The following CNTNAP2 variants were observed in gnomAD, a reference collection of about 807,000 sequenced individuals.
The protein encoded by CNTNAP2 is contactin associated protein 2.
Under a neutral mutation model 155.2 loss-of-function variants are expected in CNTNAP2, and 98 were observed. The observed-to-expected ratio is 0.63, with a 90% CI of 0.54 to 0.75. The LOEUF (loss-of-function observed/expected upper bound fraction) is 0.75, where lower values mean the gene tolerates loss of function less well. CNTNAP2 is among the 30% of genes least tolerant of loss of function. CNTNAP2 has a pLI of 0.00. For synonymous variants in CNTNAP2, 651 were observed against 631.2 expected, an observed-to-expected ratio of 1.03 and a Z score of -0.47; for missense variants, 1,727 against 1,688.1, an observed-to-expected ratio of 1.02 and a Z score of -0.40.
intron 21 of CNTNAP2, among the ~76,000 whole-genome samples, chr7:148,331,749 A>AATAG (rs1798026270): frequency 1.8e-5 from 2 of 109,964 alleles, no homozygotes; most frequent in Non-Finnish European, 4.2e-5. Flanking sequence ...GGATGGATGG[A>AATAG]ACGGACGGAT....
chr7:146,912,215 CTA>C (rs1367496608), intron 3 of CNTNAP2, among the ~76,000 whole-genome samples: 1 of 149,948 alleles, frequency 6.7e-6, no homozygotes, highest in African/African-American at 2.5e-5. Context: ...TTAAAATAGA[CTA>C]TTAGGATGCA....
chr7:147,369,834 C>T (rs1407747680), intron 9 of CNTNAP2, among the ~76,000 whole-genome samples: 1 of 152,204 alleles, frequency 6.6e-6, no homozygotes, highest in Non-Finnish European at 1.5e-5. Context: ...TTCTGCTCTA[C>T]AATCTCGCCT....
intron 1 of CNTNAP2, among the ~76,000 whole-genome samples, chr7:146,314,692 T>A (rs954411139): frequency 1.3e-5 from 2 of 152,094 alleles, no homozygotes; most frequent in African/African-American, 4.8e-5. Flanking sequence ...AAAGTTGAAG[T>A]ATTTGATGCA....
At chr7:146,896,814 T>C (rs1172454153) in intron 3 of CNTNAP2, among the ~76,000 whole-genome samples, 1 of 152,118 alleles carries the variant, frequency 6.6e-6, no homozygotes, top group Non-Finnish European at 1.5e-5. Context: ...TTTAATAAAA[T>C]TATAACTAGT....
Position 146,262,561 on chromosome 7 carries a change from C to A in CNTNAP2, c.97+145588C>A, listed in dbSNP as rs181783532. ...CAAAATTTCTATTGGTAATAAAAAA[C>A]AAGCAACCAACTACCAAGCAAGAAA... is the stretch of plus-strand genomic sequence containing the variant. On this transcript the variant is annotated intron_variant, in intron 1 of 23. Coordinates refer to ENST00000361727, the MANE Select transcript of CNTNAP2 (RefSeq NM_014141.6). Among the ~76,000 whole-genome samples, 373 of 152,226 alleles carry A rather than the reference C, an allele frequency of 2.5e-3. 2 individuals carry two copies. Among genetic ancestry groups the A allele is most frequent in the African/African-American group, 8.4e-3 (348 of 41,536 alleles).
Position 148,383,841 on chromosome 7 carries a change from C to T in CNTNAP2, c.3668C>T (p.Pro1223Leu), listed in dbSNP as rs745379403. The T allele has an allele frequency of 3.7e-6, 6 of 1,614,088 alleles. No individual in the cohort carries two copies. Among genetic ancestry groups the T allele is most frequent in the Non-Finnish European group, 5.1e-6 (6 of 1,180,028 alleles). ...GGGGCCTCGCCGCTGACCCTCTCCC[C>T]CATGTCGTCCGCCACCGACCCCTGG... Reference protein sequence around the residue: ...NCGASPLTLSPMSSATDPWHL... With the variant: ...NCGASPLTLSLMSSATDPWHL... The change falls in exon 22 of 24, where the codon CCC (proline) becomes CTC (leucine). Residue 1223 changes from proline (P) to leucine (L), a missense_variant. Pro to Leu is a moderately conservative substitution (Grantham distance 98). Coordinates refer to ENST00000361727, the MANE Select transcript of CNTNAP2 (RefSeq NM_014141.6).
At chr7:147,140,310 G>A (rs1330595671) in intron 8 of CNTNAP2, among the ~76,000 whole-genome samples, 2 of 151,892 alleles carry the variant, frequency 1.3e-5, no homozygotes, top group East Asian at 3.9e-4. Flanking sequence ...CCGAGATCTT[G>A]CTACCCCTAG....
At chr7:146,253,277 T>C (rs1799785411) in intron 1 of CNTNAP2, among the ~76,000 whole-genome samples, 1 of 152,206 alleles carries the variant, frequency 6.6e-6, no homozygotes, top group East Asian at 1.9e-4. Context: ...CTAGCCACAC[T>C]ACTCCTTTGC....
At chr7:148,371,199 A>G (rs1798880840) in intron 21 of CNTNAP2, among the ~76,000 whole-genome samples, 1 of 152,184 alleles carries the variant, frequency 6.6e-6, no homozygotes, top group South Asian at 2.1e-4. Flanking sequence ...CTGGAAAACA[A>G]AACTGGAAAA....
chr7:148,099,421 T>TTGTGTGTGTG (rs35957905), intron 15 of CNTNAP2, among the ~76,000 whole-genome samples: 6,288 of 140,906 alleles, frequency 0.045, 284 homozygotes, highest in East Asian at 0.12. Context: ...AGCATTGCAA[T>TTGTGTGTGTG]TGTGTGTGTG....
chr7:148,398,064 A>C (rs1263713109), intron 22 of CNTNAP2, among the ~76,000 whole-genome samples: 6 of 152,354 alleles, frequency 3.9e-5, no homozygotes, highest in Admixed American at 3.9e-4. Context: ...AGTATTTCAA[A>C]ACCAAGAGCC....
At chr7:146,522,950 A>G (rs951013977) in intron 1 of CNTNAP2, among the ~76,000 whole-genome samples, 2 of 151,986 alleles carry the variant, frequency 1.3e-5, no homozygotes, top group African/African-American at 4.8e-5. Context: ...AAGAAATCAT[A>G]ATAGAATGAT....
intron 8 of CNTNAP2, among the ~76,000 whole-genome samples, chr7:147,200,477 A>C (rs1802900315): frequency 6.6e-6 from 1 of 152,160 alleles, no homozygotes; most frequent in African/African-American, 2.4e-5. Context: ...GAGAGGTCTC[A>C]AGCTTAGGAA....
chr7:146,311,303 A>G, intron 1 of CNTNAP2, among the ~76,000 whole-genome samples: 1 of 152,200 alleles, frequency 6.6e-6, no homozygotes, highest in East Asian at 1.9e-4. Flanking sequence ...TGAGTACTCA[A>G]GTTTGGGTTT....
At chr7:147,850,384 A>G (rs1012586864) in intron 13 of CNTNAP2, among the ~76,000 whole-genome samples, 8 of 152,206 alleles carry the variant, frequency 5.3e-5, no homozygotes, top group Non-Finnish European at 8.8e-5. Context: ...TCAAGCTACC[A>G]ATGACTTTCT....
chr7:146,497,343 T>G (rs895815054), intron 1 of CNTNAP2, among the ~76,000 whole-genome samples: 7 of 152,216 alleles, frequency 4.6e-5, no homozygotes, highest in Admixed American at 4.6e-4. Flanking sequence ...GTGGTTTGTA[T>G]AATCATTTTT....
At chr7:147,796,282 A>G (rs1253784651) in intron 13 of CNTNAP2, among the ~76,000 whole-genome samples, 1 of 152,216 alleles carries the variant, frequency 6.6e-6, no homozygotes, top group South Asian at 2.1e-4. Flanking sequence ...ATGTACTATA[A>G]CAAAAACACA....
chr7:148,415,932 A>G lies in CNTNAP2; in HGVS notation c.*316A>G. 2.5e-6 allele frequency: 1 copy of G among 394,494 alleles called. No individual in the cohort carries two copies. Among genetic ancestry groups the G allele is most frequent in the Non-Finnish European group, 4.5e-6 (1 of 220,432 alleles). The allele number at this position is 394,494 out of a possible 1,614,324, so 24.4% of individuals were successfully genotyped here. A position where few individuals can be genotyped will look rare whatever the true frequency, so the allele number is the denominator to read the frequency against. ...TTTTGTGTGTGTTTAGAGGTGTTCTAAAGACCCGTGGTAACAGGGCAAGTT... is the reference window on the plus strand; with the variant it reads ...TTTTGTGTGTGTTTAGAGGTGTTCTGAAGACCCGTGGTAACAGGGCAAGTT... On this transcript the variant is annotated 3_prime_UTR_variant, in exon 24 of 24. Coordinates refer to ENST00000361727, the MANE Select transcript of CNTNAP2 (RefSeq NM_014141.6).
At chr7:146,120,748 G>A (rs1273376224) in intron 1 of CNTNAP2, among the ~76,000 whole-genome samples, 1 of 152,048 alleles carries the variant, frequency 6.6e-6, no homozygotes, top group East Asian at 1.9e-4. Context: ...AGTATGATGA[G>A]ATACACAAAG....
Sources: allele counts gnomAD v4.1 joint callset (sites outside exome capture counted in the v4.1 genomes callset), GRCh38; gene constraint gnomAD v4.1.1; transcripts MANE v1.5; gene names NCBI Gene and HGNC (gene_info 2026-07-23, HGNC 2026-07-21).